Variants in LEO1 observed in about 807,000 individuals in gnomAD.
The protein encoded by LEO1 is LEO1 component of Paf1/RNA polymerase II complex.
Under a neutral mutation model 80.4 loss-of-function variants are expected in LEO1, and 34 were observed. The ratio of observed to expected loss-of-function variants is 0.42; its 90% confidence interval spans 0.32 to 0.56. LEO1 has a LOEUF of 0.56. Ranked by LOEUF, LEO1 falls within the 20% of genes least tolerant of loss-of-function variation. The probability of loss-of-function intolerance (pLI) is 0.10; values close to 1 mark genes in which losing one functional copy is unlikely to be tolerated. For missense variants in LEO1, 631 were observed against 814.2 expected, an observed-to-expected ratio of 0.77 and a Z score of 2.74; for synonymous variants, 262 against 274.9, an observed-to-expected ratio of 0.95 and a Z score of 0.46.
intron 1 of LEO1, among the ~76,000 whole-genome samples, chr15:51,970,760 C>T (rs1286296770): frequency 1.3e-5 from 2 of 152,168 alleles, no homozygotes; most frequent in African/African-American, 2.4e-5. Flanking sequence ...ATGTTGTCTA[C>T]AAGAGACTCA....
chr15:51,940,315 C>T (rs2056839163), intron 11 of LEO1, among the ~76,000 whole-genome samples: 2 of 142,868 alleles, frequency 1.4e-5, no homozygotes, highest in East Asian at 2.1e-4. Context: ...AATCCCAGCA[C>T]TTTGGGAGGC....
rs553417534 is a variant in LEO1 at position 51,964,002 on chromosome 15, C to G, written c.815-1509G>C. ...CAGGCGGATCACGAGGTCAGGAGAT[C>G]GAGACCATCCTGGCTAACACGGTGA... On this transcript the variant is annotated intron_variant, in intron 2 of 11. Coordinates refer to ENST00000299601, the MANE Select transcript of LEO1 (RefSeq NM_138792.4). Among the ~76,000 whole-genome samples, 6 of 151,506 alleles carry G rather than the reference C, an allele frequency of 4.0e-5. No individual in the cohort carries two copies. In the South Asian group the frequency reaches 8.4e-4, roughly 21 times the overall value.
chr15:51,953,956 C>T (rs1466904787), intron 7 of LEO1, among the ~76,000 whole-genome samples: 3 of 147,146 alleles, frequency 2.0e-5, no homozygotes, highest in East Asian at 2.0e-4. Flanking sequence ...TTTTTTGAGA[C>T]GGCATCTAGT....
At chr15:51,958,043 A>G (rs1184090411) in intron 6 of LEO1, among the ~76,000 whole-genome samples, 1 of 152,030 alleles carries the variant, frequency 6.6e-6, no homozygotes, top group African/African-American at 2.4e-5. Flanking sequence ...ATAAATACCC[A>G]CTAGAAAATA....
At position 51,966,452 on chromosome 15, in the gene LEO1, G is replaced by A. The variant is rs1338097748; in HGVS notation, c.111C>T (p.Gly37=). The A allele has an allele frequency of 1.2e-6, 2 of 1,613,072 alleles. No homozygotes were observed. Among genetic ancestry groups the A allele is most frequent in the African/African-American group, 1.3e-5 (1 of 74,888 alleles). ...SDSDQENAAS[G]SNASGSESDQ... ...CACTTTCACTTCCAGAGGCATTACT[G>A]CCAGAGGCAGCATTCTCTTGATCAG... Residue 37 remains glycine, a synonymous_variant, in exon 2 of 12, where the codon GGC becomes GGT. Coordinates refer to ENST00000299601, the MANE Select transcript of LEO1 (RefSeq NM_138792.4).
intron 3 of LEO1, 35 bp from the exon 4 acceptor site, chr15:51,960,768 T>G (rs369858112): frequency 8.3e-7 from 1 of 1,199,314 alleles, no homozygotes; most frequent in Non-Finnish European, 1.2e-6. Flanking sequence ...TTAGTGTTAC[T>G]ATCTGTAACT....
intron 11 of LEO1, among the ~76,000 whole-genome samples, chr15:51,942,066 G>A (rs916322711): frequency 6.6e-6 from 1 of 152,176 alleles, no homozygotes; most frequent in Non-Finnish European, 1.5e-5. Flanking sequence ...AATCTCAGAG[G>A]CATACCTAGG....
At chr15:51,946,057 C>A (rs924392046) in intron 11 of LEO1, among the ~76,000 whole-genome samples, 6 of 151,766 alleles carry the variant, frequency 4.0e-5, no homozygotes, top group East Asian at 1.9e-4. Context: ...AAGAAAAATT[C>A]TCAGGGCCTA....
chr15:51,938,776 C>T (rs945872191), intron 11 of LEO1, among the ~76,000 whole-genome samples: 66 of 152,288 alleles, frequency 4.3e-4, no homozygotes, highest in Non-Finnish European at 8.8e-4. Flanking sequence ...TCTGTACAAA[C>T]GTTCTAACAG....
Position 51,966,500 on chromosome 15 carries a change from A to G in LEO1, c.63T>C (p.Ser21=), listed in dbSNP as rs78529090. 8,861 of 1,563,992 alleles carry G rather than the reference A, an allele frequency of 5.7e-3. 280 individuals are homozygous for G. The East Asian group carries it at 0.091, about 16-fold the overall frequency. The change falls in exon 2 of 12, where the codon TCT becomes TCC. Residue 21 remains serine, a synonymous_variant. Coordinates refer to ENST00000299601, the MANE Select transcript of LEO1 (RefSeq NM_138792.4). ...DADSEAERKD[S]DSGSDSDSDQ... ...CAGAATCTGAGTCAGATCCAGAATC[A>G]GAATCTATGGGGTCATATAAACATA... is the stretch of plus-strand genomic sequence containing the variant.
intron 10 of LEO1, among the ~76,000 whole-genome samples, chr15:51,949,413 G>A (rs1220338284): frequency 2.6e-5 from 4 of 151,930 alleles, no homozygotes; most frequent in Admixed American, 2.0e-4. Context: ...AAAATAAAAT[G>A]TCCGGGCTAG....
intron 10 of LEO1, among the ~76,000 whole-genome samples, chr15:51,948,618 A>G (rs186507574): frequency 6.6e-6 from 1 of 152,218 alleles, no homozygotes; most frequent in Non-Finnish European, 1.5e-5. Context: ...TGGGCTAAGT[A>G]CTTTAAATGT....
Position 51,971,683 on chromosome 15 carries a change from C to T in LEO1, c.58+5G>A. ...CACCCATCCTCCGAAGACCAGCGAA[C>T]CCACCTTTACGCTCAGCTTCGCTGT... On this transcript the variant is annotated splice_donor_5th_base_variant and intron_variant, in intron 1 of 11. Coordinates refer to ENST00000299601, the MANE Select transcript of LEO1 (RefSeq NM_138792.4). 6.2e-7 allele frequency: 1 copy of T among 1,613,972 alleles called. No homozygotes were observed. The highest frequency in any genetic ancestry group is 8.5e-7 in the Non-Finnish European group (1 of 1,179,894).
intron 11 of LEO1, 97 bp from the exon 12 acceptor site, chr15:51,938,357 A>C: frequency 1.5e-6 from 1 of 673,830 alleles, no homozygotes. Flanking sequence ...CCCTCTGACA[A>C]CTCAAAGTAA....
chr15:51,962,295 A>T (rs1388619716), intron 3 of LEO1, 94 bp downstream of exon 3: 5 of 749,020 alleles, frequency 6.7e-6, no homozygotes, highest in Non-Finnish European at 1.1e-5. Flanking sequence ...GGGTCTGGCG[A>T]TCTGGGGTAA....
At chr15:51,956,422 C>CA (rs34613118) in intron 6 of LEO1, among the ~76,000 whole-genome samples, 37,738 of 77,960 alleles carry the variant, frequency 0.48, 7,613 homozygotes, top group Non-Finnish European at 0.53. Context: ...GACTCCATCT[C>CA]AAAAAAAAAA....
intron 10 of LEO1, 64 bp downstream of exon 10, chr15:51,949,744 T>A: frequency 3.9e-6 from 5 of 1,266,186 alleles, no homozygotes; most frequent in East Asian, 2.4e-5. Context: ...CCGGATTACA[T>A]CTAATGCCAA....
intron 11 of LEO1, among the ~76,000 whole-genome samples, chr15:51,944,450 C>A (rs1449926737): frequency 6.6e-6 from 1 of 151,942 alleles, no homozygotes; most frequent in Non-Finnish European, 1.5e-5. Flanking sequence ...GATAAAGATA[C>A]CAAAGAAGAA....
At chr15:51,947,045 C>T in intron 11 of LEO1, 2 of 448,580 alleles carry the variant, frequency 4.5e-6, no homozygotes, top group South Asian at 4.9e-5. Context: ...GACCAGCAAG[C>T]TTCTGATCAC....
Sources: allele counts gnomAD v4.1 joint callset (sites outside exome capture counted in the v4.1 genomes callset), GRCh38; gene constraint gnomAD v4.1.1; transcripts MANE v1.5; gene names NCBI Gene and HGNC (gene_info 2026-07-23, HGNC 2026-07-21).